Variants in DCDC1 observed in about 807,000 individuals in gnomAD.
The protein encoded by DCDC1 is doublecortin domain-containing protein 1.
In DCDC1, 200 loss-of-function variants were observed where a neutral mutation model predicts 178.3. The observed-to-expected ratio is 1.12, with a 90% CI of 1.00 to 1.26. The LOEUF (loss-of-function observed/expected upper bound fraction) is 1.26. Among genes scored for constraint, DCDC1 ranks in the 50% most tolerant of loss-of-function variants. The pLI, the probability that DCDC1 is intolerant of heterozygous loss-of-function variation, is 0.00. For synonymous variants in DCDC1, 690 were observed against 604.8 expected, an observed-to-expected ratio of 1.14 and a Z score of -2.07; for missense variants, 1,983 against 1,749.2, an observed-to-expected ratio of 1.13 and a Z score of -2.38.
chr11:30,955,395 T>G (rs1003607782), intron 20 of DCDC1, among the ~76,000 whole-genome samples: 2 of 152,210 alleles, frequency 1.3e-5, no homozygotes, highest in Non-Finnish European at 2.9e-5. Context: ...CCTGGCTTAC[T>G]TTTGTTCTCT....
chr11:31,000,032 C>G (rs115126865), intron 20 of DCDC1, among the ~76,000 whole-genome samples: 1 of 152,080 alleles, frequency 6.6e-6, no homozygotes. Context: ...ACCATCTGTG[C>G]TGGCTGTGGA....
chr11:31,217,118 G>A (rs1264109661), intron 9 of DCDC1, among the ~76,000 whole-genome samples: 1 of 152,160 alleles, frequency 6.6e-6, no homozygotes, highest in Non-Finnish European at 1.5e-5. Flanking sequence ...GGGAGAGGGA[G>A]ATGATAGAAA....
rs991463523 is a variant in DCDC1, at chr11:31,148,313, G to A, written c.1222-10529C>T. ...TGTAATCCCAACAGTCTGGGAGGCC[G>A]AAGTGGGCGGATCACGTGAGCTCAG... On this transcript the variant is annotated intron_variant, in intron 9 of 38. Transcript: ENST00000684477. Among the ~76,000 whole-genome samples the A allele has an allele frequency of 3.3e-5, 5 of 151,312 alleles. 1 individual carries two copies. Among genetic ancestry groups the A allele is most frequent in the African/African-American group, 7.3e-5 (3 of 41,166 alleles).
chr11:31,279,535 A>C (rs1398852594), intron 7 of DCDC1, among the ~76,000 whole-genome samples: 1 of 152,220 alleles, frequency 6.6e-6, no homozygotes, highest in East Asian at 1.9e-4. Flanking sequence ...AATGTGGCAC[A>C]TATACACCAT....
chr11:31,279,724 C>A (rs1303512900), intron 7 of DCDC1, among the ~76,000 whole-genome samples: 1 of 151,950 alleles, frequency 6.6e-6, no homozygotes, highest in Admixed American at 6.6e-5. Context: ...CATCACACAC[C>A]ACAGCCTGTC....
intron 20 of DCDC1, among the ~76,000 whole-genome samples, chr11:30,959,726 C>T (rs1948983278): frequency 6.6e-6 from 1 of 152,106 alleles, no homozygotes; most frequent in African/African-American, 2.4e-5. Context: ...GACTCAATGC[C>T]TCTTGGGGCA....
chr11:30,976,561 G>A (rs1414750545), intron 20 of DCDC1, among the ~76,000 whole-genome samples: 1 of 151,780 alleles, frequency 6.6e-6, no homozygotes, highest in Non-Finnish European at 1.5e-5. Flanking sequence ...CATACAGATG[G>A]CCAACAGGCA....
chr11:30,888,110 G>GAAAGAAAGAAAGAAAGAA (rs1565029907), intron 36 of DCDC1, among the ~76,000 whole-genome samples: 7 of 105,922 alleles, frequency 6.6e-5, no homozygotes, highest in East Asian at 5.1e-4. Flanking sequence ...AAGAAAGAAA[G>GAAAGAAAGAAAGAAAGAA]AAAGAAAGAA....
intron 20 of DCDC1, among the ~76,000 whole-genome samples, chr11:30,977,153 G>C (rs555025298): frequency 2.0e-4 from 30 of 151,574 alleles, no homozygotes; most frequent in South Asian, 4.1e-4. Context: ...GTAGAGAGCA[G>C]AATGATACCA....
rs565564450 is a variant in DCDC1, at chr11:31,039,661, T to C, written c.2591+24808A>G. On this transcript the variant is annotated intron_variant, in intron 20 of 38. Coordinates refer to ENST00000684477, the MANE Select transcript of DCDC1 (RefSeq NM_001387274.1). ...TTTAAAAATTAAGATAAAGTTCCTA[T>C]GGAACAACAAAAAACATCAGAAAGG... 2.0e-5 allele frequency among the ~76,000 whole-genome samples: 3 copies of C among 152,238 alleles called. No individual in the cohort carries two copies. In the South Asian group the frequency reaches 6.2e-4, roughly 32 times the overall value.
At chr11:31,053,370 G>C (rs1366141493) in intron 20 of DCDC1, among the ~76,000 whole-genome samples, 2 of 152,100 alleles carry the variant, frequency 1.3e-5, no homozygotes, top group Non-Finnish European at 2.9e-5. Flanking sequence ...TCCAGCACCA[G>C]ACGGATTCAC....
intron 8 of DCDC1, among the ~76,000 whole-genome samples, chr11:31,242,508 C>G (rs1977282455): frequency 6.6e-6 from 1 of 151,826 alleles, no homozygotes; most frequent in Admixed American, 6.6e-5. Context: ...TTTACTTGGT[C>G]ATTATTTAAG....
intron 9 of DCDC1, among the ~76,000 whole-genome samples, chr11:31,225,928 G>A (rs145888973): frequency 0.015 from 2,329 of 152,026 alleles, 16 homozygotes; most frequent in Non-Finnish European, 0.022. Context: ...GAGCTAGGAA[G>A]GAGTATGGTA....
chr11:31,083,013 T>TA (rs1361772805), intron 17 of DCDC1, among the ~76,000 whole-genome samples: 1 of 152,240 alleles, frequency 6.6e-6, no homozygotes, highest in Admixed American at 6.5e-5. Flanking sequence ...GTGTAACCTA[T>TA]ATGTGTTAAT....
chr11:30,899,921 A>G (rs1944537639), intron 33 of DCDC1, among the ~76,000 whole-genome samples: 1 of 152,166 alleles, frequency 6.6e-6, no homozygotes, highest in Non-Finnish European at 1.5e-5. Context: ...AACTATTTGG[A>G]GGTGATGAAA....
At chr11:31,130,148 T>C (rs1197389291) in intron 10 of DCDC1, among the ~76,000 whole-genome samples, 1 of 152,192 alleles carries the variant, frequency 6.6e-6, no homozygotes, top group Non-Finnish European at 1.5e-5. Context: ...CATAGTTTTA[T>C]GACTCATTCC....
At chr11:30,982,337 G>C (rs1319892510) in intron 20 of DCDC1, among the ~76,000 whole-genome samples, 2 of 152,154 alleles carry the variant, frequency 1.3e-5, no homozygotes, top group Non-Finnish European at 2.9e-5. Context: ...AACAGTGTCA[G>C]CAGCACAATG....
chr11:31,341,709 C>T (rs976501707), intron 1 of DCDC1, among the ~76,000 whole-genome samples: 1 of 151,992 alleles, frequency 6.6e-6, no homozygotes, highest in Non-Finnish European at 1.5e-5. Context: ...ACAGCTATGT[C>T]ACTAGGTGAT....
At chr11:31,159,481 T>A (rs1426151004) in intron 9 of DCDC1, among the ~76,000 whole-genome samples, 1 of 152,116 alleles carries the variant, frequency 6.6e-6, no homozygotes, top group Non-Finnish European at 1.5e-5. Flanking sequence ...ACTACTACTA[T>A]CTAGTATCAA....
Sources: gnomAD v4.1 joint callset for allele counts (sites outside exome capture counted in the v4.1 genomes callset) on GRCh38, gnomAD v4.1.1 for gene constraint, MANE v1.5 for transcripts, NCBI Gene and HGNC (gene_info 2026-07-23, HGNC 2026-07-21) for gene names.